Variants in TMEM132D observed in about 807,000 individuals in gnomAD.
TMEM132D encodes the protein mature OL transmembrane protein.
In TMEM132D, 21 loss-of-function variants were observed where a neutral mutation model predicts 62.3. The ratio of observed to expected loss-of-function variants is 0.34; its 90% CI spans 0.24 to 0.49. The LOEUF (loss-of-function observed/expected upper bound fraction) is 0.49. Ranked by LOEUF, TMEM132D falls within the 20% of genes least tolerant of loss-of-function variation. The probability of loss-of-function intolerance (pLI) is 0.99; values close to 1 mark genes in which losing one functional copy is unlikely to be tolerated. For missense variants in TMEM132D, 1,346 were observed against 1,402.8 expected, an observed-to-expected ratio of 0.96 and a Z score of 0.65; for synonymous variants, 621 against 575.6, an observed-to-expected ratio of 1.08 and a Z score of -1.13.
At chr12:129,497,537 T>C (rs966623113) in intron 3 of TMEM132D, among the ~76,000 whole-genome samples, 1 of 152,018 alleles carries the variant, frequency 6.6e-6, no homozygotes, top group African/African-American at 2.4e-5. Context: ...TCCTTTAACC[T>C]CTCTAATTAT....
intron 4 of TMEM132D, among the ~76,000 whole-genome samples, chr12:129,283,608 T>G (rs1173160054): frequency 6.6e-6 from 1 of 152,204 alleles, no homozygotes; most frequent in African/African-American, 2.4e-5. Context: ...TTTCAAGACA[T>G]GTCTTTGAAA....
chr12:129,076,876 C>G (rs564838194), intron 8 of TMEM132D, among the ~76,000 whole-genome samples: 1 of 152,166 alleles, frequency 6.6e-6, no homozygotes, highest in Non-Finnish European at 1.5e-5. Context: ...GCTGGTGGTC[C>G]GCTGATGTTA....
At chr12:129,142,253 G>C (rs1042458161) in intron 5 of TMEM132D, among the ~76,000 whole-genome samples, 1 of 152,034 alleles carries the variant, frequency 6.6e-6, no homozygotes, top group Non-Finnish European at 1.5e-5. Context: ...CCTATCGTAC[G>C]TTGATGACCA....
At position 129,144,900 on chromosome 12, in the gene TMEM132D, C is replaced by CTCTATCTATCTATCTATCTATCTA. The variant is rs35319395; in HGVS notation, c.1444-60222_1444-60199dup. The stretch of plus-strand genomic sequence containing the variant: ...TACCATTCACCTATTATCTATCCTG[C>CTCTATCTATCTATCTATCTATCTA]TCTATCTATCTATCTATCTATCTAT... On this transcript the variant is annotated intron_variant, in intron 5 of 8. Coordinates refer to ENST00000422113, the MANE Select transcript of TMEM132D (RefSeq NM_133448.3). 3.4e-3 allele frequency among the ~76,000 whole-genome samples: 515 copies of CTCTATCTATCTATCTATCTATCTA among 150,966 alleles called. 7 individuals are homozygous for CTCTATCTATCTATCTATCTATCTA. Among genetic ancestry groups the CTCTATCTATCTATCTATCTATCTA allele is most frequent in the African/African-American group, 0.012 (497 of 41,084 alleles).
chr12:129,352,737 C>A (rs964704617), intron 3 of TMEM132D, among the ~76,000 whole-genome samples: 20 of 151,930 alleles, frequency 1.3e-4, no homozygotes. Context: ...GTCAGAATGG[C>A]GATTATTAAA....
chr12:129,771,892 A>G (rs1870766353), intron 1 of TMEM132D, among the ~76,000 whole-genome samples: 1 of 152,242 alleles, frequency 6.6e-6, no homozygotes, highest in South Asian at 2.1e-4. Flanking sequence ...CAAAAGCTCT[A>G]TGAAGTCAGT....
chr12:129,581,569 C>G (rs1270510874), intron 2 of TMEM132D, among the ~76,000 whole-genome samples: 1 of 151,928 alleles, frequency 6.6e-6, no homozygotes, highest in African/African-American at 2.4e-5. Context: ...AGCTGAAGAA[C>G]ATGCAGCCTG....
At chr12:129,138,021 TTTTTC>T (rs1876636164) in intron 5 of TMEM132D, among the ~76,000 whole-genome samples, 1 of 152,152 alleles carries the variant, frequency 6.6e-6, no homozygotes, top group African/African-American at 2.4e-5. Context: ...AAGTTTAAAA[TTTTTC>T]TTTTCTAAAA....
intron 4 of TMEM132D, among the ~76,000 whole-genome samples, chr12:129,287,220 C>T (rs558605815): frequency 2.0e-4 from 30 of 152,190 alleles, no homozygotes; most frequent in Middle Eastern, 6.8e-3. Flanking sequence ...CTGATGAATC[C>T]GGGATACTTC....
At chr12:129,441,474 C>T (rs1417176816) in intron 3 of TMEM132D, among the ~76,000 whole-genome samples, 1 of 152,196 alleles carries the variant, frequency 6.6e-6, no homozygotes, top group African/African-American at 2.4e-5. Context: ...CTGCGAGGAG[C>T]TGAAATCAAA....
At chr12:129,567,749 T>C (rs1284117002) in intron 2 of TMEM132D, among the ~76,000 whole-genome samples, 1 of 152,134 alleles carries the variant, frequency 6.6e-6, no homozygotes, top group Non-Finnish European at 1.5e-5. Context: ...TTAAAATAAA[T>C]GTATAAATAT....
intron 3 of TMEM132D, among the ~76,000 whole-genome samples, chr12:129,437,880 C>A (rs1872829538): frequency 6.7e-6 from 1 of 148,864 alleles, no homozygotes; most frequent in East Asian, 2.0e-4. Context: ...CTAATGCTAT[C>A]CCTCCCCCAG....
chr12:129,566,091 T>C (rs192850581), intron 2 of TMEM132D, among the ~76,000 whole-genome samples: 3 of 152,358 alleles, frequency 2.0e-5, no homozygotes, highest in Admixed American at 1.3e-4. Context: ...GTTTGAGTTT[T>C]TCAGGGAACA....
At chr12:129,432,157 G>GC in intron 3 of TMEM132D, among the ~76,000 whole-genome samples, 1 of 99,150 alleles carries the variant, frequency 1.0e-5, no homozygotes, top group South Asian at 3.8e-4. Flanking sequence ...ATGGATGGAT[G>GC]CTTGGATGGA....
intron 3 of TMEM132D, among the ~76,000 whole-genome samples, chr12:129,477,196 T>C (rs1874289133): frequency 6.6e-6 from 1 of 152,118 alleles, no homozygotes; most frequent in African/African-American, 2.4e-5. Context: ...CAATGAAAAA[T>C]GTCTCCAGAC....
intron 2 of TMEM132D, among the ~76,000 whole-genome samples, chr12:129,602,308 T>C (rs1300112859): frequency 6.6e-6 from 1 of 152,038 alleles, no homozygotes; most frequent in Non-Finnish European, 1.5e-5. Context: ...TACCAAAAAC[T>C]ATGATGGATA....
intron 2 of TMEM132D, among the ~76,000 whole-genome samples, chr12:129,662,178 G>T (rs1295755588): frequency 6.6e-6 from 1 of 152,188 alleles, no homozygotes. Context: ...ATAAATCCCA[G>T]AAAGAGGATG....
At chr12:129,254,503 G>T (rs1880351406) in intron 4 of TMEM132D, among the ~76,000 whole-genome samples, 1 of 152,080 alleles carries the variant, frequency 6.6e-6, no homozygotes. Context: ...ATCCCTCTAA[G>T]CCTCAGATCC....
chr12:129,175,532 A>T (rs1306695428), intron 5 of TMEM132D, among the ~76,000 whole-genome samples: 2 of 152,222 alleles, frequency 1.3e-5, no homozygotes, highest in Non-Finnish European at 2.9e-5. Flanking sequence ...AAAAGGCCCC[A>T]TCTCTACTAA....
Sources: allele counts gnomAD v4.1 joint callset (sites outside exome capture counted in the v4.1 genomes callset), GRCh38; gene constraint gnomAD v4.1.1; transcripts MANE v1.5; gene names NCBI Gene and HGNC (gene_info 2026-07-23, HGNC 2026-07-21).